ROBO2: variants seen among roughly 807,000 people sequenced by gnomAD.
ROBO2 encodes roundabout homolog 2.
In ROBO2, 53 loss-of-function variants were observed where a neutral mutation model predicts 160.8. The observed-to-expected ratio is 0.33, with a 90% CI of 0.26 to 0.41. The LOEUF is 0.41. Among genes scored for constraint, ROBO2 ranks in the 10% least tolerant of loss-of-function variants. The pLI is 1.00. For missense variants in ROBO2, 1,577 were observed against 1,722.4 expected (o/e 0.92, Z 1.49); for synonymous variants, 664 against 611.7 (o/e 1.09, Z -1.26).
chr3:76,233,230 T>C (rs532584863), intron 2 of ROBO2, among the ~76,000 whole-genome samples: 13 of 152,256 alleles, frequency 8.5e-5, no homozygotes, highest in African/African-American at 2.9e-4. Context: ...CTGCAAATTA[T>C]GCCTCCCAGG....
intron 2 of ROBO2, among the ~76,000 whole-genome samples, chr3:77,163,771 T>C (rs2078700036): frequency 6.6e-6 from 1 of 152,202 alleles, no homozygotes; most frequent in Non-Finnish European, 1.5e-5. Flanking sequence ...CACTGAATAC[T>C]CATGGTTTAT....
At chr3:77,205,494 G>GT (rs1414032061) in intron 2 of ROBO2, among the ~76,000 whole-genome samples, 2 of 152,080 alleles carry the variant, frequency 1.3e-5, no homozygotes, top group Admixed American at 1.3e-4. Context: ...GGGGTTGGGA[G>GT]TTTATGTGGG....
At chr3:76,093,441 AGGCCTGC>A in intron 2 of ROBO2, among the ~76,000 whole-genome samples, 4 of 149,254 alleles carry the variant, frequency 2.7e-5, no homozygotes, top group Non-Finnish European at 5.9e-5. Context: ...GCAGTCACAC[AGGCCTGC>A]TTGAAAAAAA....
At chr3:77,582,296 T>A (rs1406103802) in intron 16 of ROBO2, among the ~76,000 whole-genome samples, 1 of 152,196 alleles carries the variant, frequency 6.6e-6, no homozygotes, top group Non-Finnish European at 1.5e-5. Flanking sequence ...AGACAGGGTT[T>A]CACCATGTTG....
chr3:76,816,245 G>A (rs572078036), intron 2 of ROBO2, among the ~76,000 whole-genome samples: 3 of 151,798 alleles, frequency 2.0e-5, no homozygotes, highest in Non-Finnish European at 4.4e-5. Context: ...TGGATCGGAC[G>A]TTTTATTATC....
chr3:76,586,357 C>G (rs1265419172), intron 2 of ROBO2, among the ~76,000 whole-genome samples: 2 of 152,060 alleles, frequency 1.3e-5, no homozygotes, highest in African/African-American at 2.4e-5. Context: ...ACAGATATGC[C>G]ACCTCATTTT....
chr3:77,061,394 C>A lies in ROBO2; in HGVS notation c.61+20548C>A, dbSNP rs368799164. 5.3e-5 allele frequency among the ~76,000 whole-genome samples: 8 copies of A among 152,002 alleles called. No individual in the cohort carries two copies. In the East Asian group the frequency reaches 5.8e-4, roughly 11 times the overall value. On this transcript the variant is annotated intron_variant, in intron 1 of 25. Transcript: ENST00000461745. ...CTAAACCTATGGCTTATTTCCTTAC[C>A]TTTTTTAAAATTTTTAACTTTTTTT...
chr3:77,617,634 T>G (rs2094810011), exon 22 of ROBO2: 6 of 1,614,180 alleles, frequency 3.7e-6, no homozygotes, highest in Non-Finnish European at 5.1e-6. Context: ...AGGCGTGGCT[T>G]CTTCTCCTGC....
At chr3:76,733,733 T>C (rs551955882) in intron 2 of ROBO2, among the ~76,000 whole-genome samples, 31 of 152,344 alleles carry the variant, frequency 2.0e-4, no homozygotes, top group African/African-American at 6.7e-4. Flanking sequence ...TGTGGGAATT[T>C]TTTTTGTTTT....
intron 2 of ROBO2, among the ~76,000 whole-genome samples, chr3:75,998,126 T>A (rs2065784855): frequency 6.6e-6 from 1 of 152,230 alleles, no homozygotes; most frequent in Non-Finnish European, 1.5e-5. Context: ...ATAAAATGTA[T>A]TGAATTAGAT....
intron 2 of ROBO2, among the ~76,000 whole-genome samples, chr3:76,558,620 C>T (rs1016582506): frequency 5.3e-5 from 8 of 151,990 alleles, no homozygotes; most frequent in Non-Finnish European, 1.2e-4. Flanking sequence ...TGATTTTCCT[C>T]AGGGTTTTTT....
intron 2 of ROBO2, among the ~76,000 whole-genome samples, chr3:77,032,445 T>C (rs1189705207): frequency 3.3e-5 from 5 of 152,230 alleles, no homozygotes; most frequent in African/African-American, 9.6e-5. Context: ...GCTTGTCATA[T>C]AGTAATTGTT....
At chr3:76,220,748 AAC>A (rs370105134) in intron 2 of ROBO2, among the ~76,000 whole-genome samples, 7 of 150,834 alleles carry the variant, frequency 4.6e-5, no homozygotes, top group African/African-American at 4.9e-5. Flanking sequence ...ATTTGATGAA[AAC>A]ACACACACAC....
chr3:76,249,922 G>A (rs1424342865), intron 2 of ROBO2, among the ~76,000 whole-genome samples: 2 of 151,988 alleles, frequency 1.3e-5, no homozygotes, highest in African/African-American at 2.4e-5. Flanking sequence ...TGTCAAACAG[G>A]TATTTCCCCC....
intron 2 of ROBO2, among the ~76,000 whole-genome samples, chr3:76,134,597 G>A (rs2071356139): frequency 6.6e-6 from 1 of 152,042 alleles, no homozygotes; most frequent in Non-Finnish European, 1.5e-5. Context: ...GTTTTCACCT[G>A]TATGGAATGG....
chr3:77,309,673 T>G (rs1334825523), intron 2 of ROBO2, among the ~76,000 whole-genome samples: 1 of 152,246 alleles, frequency 6.6e-6, no homozygotes, highest in Non-Finnish European at 1.5e-5. Context: ...AGATGAGTCA[T>G]GGCAACTGCC....
At chr3:77,355,372 C>G (rs2068966232) in intron 2 of ROBO2, among the ~76,000 whole-genome samples, 1 of 152,178 alleles carries the variant, frequency 6.6e-6, no homozygotes, top group South Asian at 2.1e-4. Flanking sequence ...GCTATTCATT[C>G]ATGCTAGTGT....
intron 2 of ROBO2, among the ~76,000 whole-genome samples, chr3:77,204,955 G>A (rs1386174208): frequency 3.9e-5 from 6 of 152,220 alleles, no homozygotes; most frequent in Non-Finnish European, 5.9e-5. Context: ...TGCTGCGGCT[G>A]CTCAGACCCC....
At position 76,946,476 on chromosome 3, in the gene ROBO2, C is replaced by T. The variant is rs1472836319; in HGVS notation, c.110-151538C>T. Among the ~76,000 whole-genome samples, 3 of 152,146 alleles carry T rather than the reference C, an allele frequency of 2.0e-5. No individual in the cohort carries two copies. The Middle Eastern group carries it at 0.01, about 518-fold the overall frequency. On this transcript the variant is annotated intron_variant, in intron 2 of 26. Transcript: ENST00000487694. ...TTTTTGAGATGGAGTCTTACTCTGT[C>T]GCCCAGGCTGGAGTGCAGTGGTGCT...
Sources: allele counts gnomAD v4.1 joint callset (sites outside exome capture counted in the v4.1 genomes callset), GRCh38; gene constraint gnomAD v4.1.1; transcripts MANE v1.5; gene names NCBI Gene and HGNC (gene_info 2026-07-23, HGNC 2026-07-21).